Variants in CCSER1 observed in about 807,000 individuals in gnomAD.
CCSER1 encodes the protein serine-rich coiled-coil domain-containing protein 1.
A neutral mutation model predicts 82.0 loss-of-function variants in CCSER1; 41 were observed. That is an observed-to-expected ratio of 0.50 (90% confidence interval 0.39 to 0.65). CCSER1 has a LOEUF of 0.65. CCSER1 is among the 30% of genes least tolerant of loss of function. The pLI, the probability that CCSER1 is intolerant of heterozygous loss-of-function variation, is 0.00. For synonymous variants in CCSER1, 414 were observed against 383.9 expected, an observed-to-expected ratio of 1.08 and a Z score of -0.92; for missense variants, 1,119 against 1,064.2, an observed-to-expected ratio of 1.05 and a Z score of -0.72.
At chr4:90,348,195 A>G (rs1471800349) in intron 3 of CCSER1, among the ~76,000 whole-genome samples, 1 of 152,116 alleles carries the variant, frequency 6.6e-6, no homozygotes, top group Non-Finnish European at 1.5e-5. Flanking sequence ...TGACGAAGTA[A>G]TTTGTACAAC....
At chr4:91,196,111 C>T (rs73596195) in intron 10 of CCSER1, among the ~76,000 whole-genome samples, 223 of 148,310 alleles carry the variant, frequency 1.5e-3, no homozygotes, top group African/African-American at 5.5e-3. Context: ...GGCATGAACC[C>T]GGGAGGCGGA....
rs575946313 is a variant in CCSER1 at position 91,373,429 on chromosome 4, T to C, written c.2218-225143T>C. On this transcript the variant is annotated intron_variant, in intron 10 of 10. Coordinates refer to ENST00000509176, the MANE Select transcript of CCSER1 (RefSeq NM_001145065.2). ...AATTCTCCCAATATTTAAAACTCTT[T>C]CATTATTATTATATCTCTTATGGTG... is the stretch of plus-strand genomic sequence containing the variant. Among the ~76,000 whole-genome samples the C allele has an allele frequency of 2.6e-5, 4 of 152,314 alleles. No individual in the cohort carries two copies. The East Asian group carries it at 7.7e-4, about 29-fold the overall frequency.
intron 9 of CCSER1, among the ~76,000 whole-genome samples, chr4:91,031,804 A>G (rs895501125): frequency 2.6e-5 from 4 of 152,168 alleles, no homozygotes; most frequent in Non-Finnish European, 5.9e-5. Context: ...ACATTATAAC[A>G]TAGAGATATT....
chr4:90,183,038 G>C (rs958195569), intron 1 of CCSER1, among the ~76,000 whole-genome samples: 1 of 151,256 alleles, frequency 6.6e-6, no homozygotes, highest in Non-Finnish European at 1.5e-5. Context: ...TTCTCAATTG[G>C]TATAATGGTA....
intron 3 of CCSER1, among the ~76,000 whole-genome samples, chr4:90,366,549 A>G (rs1157604747): frequency 6.6e-6 from 1 of 151,798 alleles, no homozygotes; most frequent in East Asian, 1.9e-4. Flanking sequence ...CTCTATTATT[A>G]ACTATATTCA....
At chr4:91,287,255 G>C (rs1036497199) in intron 10 of CCSER1, among the ~76,000 whole-genome samples, 4 of 151,764 alleles carry the variant, frequency 2.6e-5, no homozygotes, top group Non-Finnish European at 5.9e-5. Context: ...CTCAAAGTCA[G>C]AAAAAATAGT....
At chr4:90,319,724 T>C (rs1219204110) in intron 3 of CCSER1, among the ~76,000 whole-genome samples, 1 of 152,220 alleles carries the variant, frequency 6.6e-6, no homozygotes, top group African/African-American at 2.4e-5. Flanking sequence ...AATGAGACTT[T>C]CCAGTATGTA....
chr4:90,163,460 C>T (rs748563148), intron 1 of CCSER1, among the ~76,000 whole-genome samples: 13 of 152,068 alleles, frequency 8.5e-5, no homozygotes, highest in African/African-American at 2.4e-4. Context: ...CTTTTGATCA[C>T]GAAATTTGTT....
chr4:91,101,030 C>G (rs1165228567), intron 10 of CCSER1, among the ~76,000 whole-genome samples: 1 of 151,416 alleles, frequency 6.6e-6, no homozygotes, highest in Non-Finnish European at 1.5e-5. Context: ...GCAAGACAAA[C>G]AGGAAAAAAA....
chr4:90,907,551 A>C (rs1320455989), intron 8 of CCSER1, among the ~76,000 whole-genome samples: 2 of 152,034 alleles, frequency 1.3e-5, no homozygotes, highest in Non-Finnish European at 2.9e-5. Context: ...TTAATCTTTC[A>C]CTCACAATGT....
At chr4:90,987,382 A>G (rs2150437515) in intron 9 of CCSER1, among the ~76,000 whole-genome samples, 1 of 151,638 alleles carries the variant, frequency 6.6e-6, no homozygotes, top group East Asian at 2.0e-4. Flanking sequence ...TATATTGCTT[A>G]TGACATTTGC....
At chr4:90,931,122 A>G (rs1182005056) in intron 9 of CCSER1, among the ~76,000 whole-genome samples, 2 of 150,806 alleles carry the variant, frequency 1.3e-5, no homozygotes, top group African/African-American at 4.9e-5. Context: ...ATTGAAATAT[A>G]TATCTGTACA....
intron 10 of CCSER1, among the ~76,000 whole-genome samples, chr4:91,252,630 G>T (rs1311594337): frequency 6.6e-6 from 1 of 152,020 alleles, no homozygotes; most frequent in African/African-American, 2.4e-5. Context: ...TAATATGTTG[G>T]TCATGTAATG....
intron 1 of CCSER1, among the ~76,000 whole-genome samples, chr4:90,131,138 C>A (rs1349434242): frequency 2.0e-5 from 3 of 152,128 alleles, no homozygotes; most frequent in Admixed American, 2.0e-4. Context: ...GCTGGGATTA[C>A]AGGCACGCGC....
At chr4:90,940,531 G>A (rs1731468029) in intron 9 of CCSER1, among the ~76,000 whole-genome samples, 1 of 152,060 alleles carries the variant, frequency 6.6e-6, no homozygotes, top group Admixed American at 6.6e-5. Context: ...AATTAAAATA[G>A]GGATTAACGG....
intron 10 of CCSER1, among the ~76,000 whole-genome samples, chr4:91,140,880 G>A (rs1728959722): frequency 6.6e-6 from 1 of 152,078 alleles, no homozygotes; most frequent in Non-Finnish European, 1.5e-5. Flanking sequence ...GCACAATGCT[G>A]AGGTTTGTGA....
chr4:91,506,686 ATATAG>A (rs1197496372), intron 10 of CCSER1, among the ~76,000 whole-genome samples: 11 of 152,190 alleles, frequency 7.2e-5, no homozygotes. Flanking sequence ...AGTAATTAAC[ATATAG>A]TAAACTTCAT....
At chr4:90,631,834 A>G (rs1036665100) in intron 6 of CCSER1, among the ~76,000 whole-genome samples, 9 of 152,184 alleles carry the variant, frequency 5.9e-5, no homozygotes, top group Admixed American at 6.5e-5. Context: ...CACTTGTTTT[A>G]TACATAAAAT....
chr4:91,235,224 G>A (rs1274453384), intron 10 of CCSER1, among the ~76,000 whole-genome samples: 1 of 152,112 alleles, frequency 6.6e-6, no homozygotes, highest in African/African-American at 2.4e-5. Context: ...TATTGGAAGA[G>A]AGGTATACAT....
Sources: allele counts gnomAD v4.1 joint callset (sites outside exome capture counted in the v4.1 genomes callset), GRCh38; gene constraint gnomAD v4.1.1; transcripts MANE v1.5; gene names NCBI Gene and HGNC (gene_info 2026-07-23, HGNC 2026-07-21).